The following SNTG1 variants were observed in gnomAD, a reference collection of about 807,000 sequenced individuals.
SNTG1 encodes syntrophin gamma 1.
Under a neutral mutation model 74.7 loss-of-function variants are expected in SNTG1, and 39 were observed. The ratio of observed to expected loss-of-function variants is 0.52; its 90% CI spans 0.40 to 0.68. SNTG1 has a LOEUF of 0.68. Among genes scored for constraint, SNTG1 ranks in the 30% least tolerant of loss-of-function variants. The pLI, the probability that SNTG1 is intolerant of heterozygous loss-of-function variation, is 0.00. For missense variants in SNTG1, 685 were observed against 609.5 expected (o/e 1.12, Z -1.30); for synonymous variants, 254 against 217.1 (o/e 1.17, Z -1.49).
At chr8:50,100,518 C>T (rs1160880028) in intron 1 of SNTG1, among the ~76,000 whole-genome samples, 2 of 151,942 alleles carry the variant, frequency 1.3e-5, no homozygotes, top group Non-Finnish European at 2.9e-5. Flanking sequence ...ATCAAAACAT[C>T]ACTATGTATC....
At chr8:50,559,998 C>T (rs950138242) in intron 12 of SNTG1, among the ~76,000 whole-genome samples, 1 of 151,994 alleles carries the variant, frequency 6.6e-6, no homozygotes, top group Non-Finnish European at 1.5e-5. Flanking sequence ...TAATATCTGG[C>T]GTCTACAAGT....
intron 15 of SNTG1, among the ~76,000 whole-genome samples, chr8:50,669,258 T>A (rs1480063711): frequency 2.7e-5 from 4 of 149,570 alleles, no homozygotes; most frequent in Non-Finnish European, 5.9e-5. Flanking sequence ...CAGGAGATGG[T>A]TTTTTCAAAG....
intron 1 of SNTG1, among the ~76,000 whole-genome samples, chr8:50,099,223 G>C (rs569425601): frequency 4.8e-4 from 73 of 152,152 alleles, no homozygotes; most frequent in African/African-American, 1.7e-3. Flanking sequence ...TAGATTTTCT[G>C]CTGCTGGTCT....
chr8:50,208,047 T>G (rs112805424), intron 2 of SNTG1, among the ~76,000 whole-genome samples: 1 of 152,280 alleles, frequency 6.6e-6, no homozygotes, highest in Admixed American at 6.5e-5. Context: ...ATTCTATTGG[T>G]TTGGGGTGGA....
At chr8:50,434,594 G>C (rs927434211) in intron 4 of SNTG1, among the ~76,000 whole-genome samples, 1 of 152,166 alleles carries the variant, frequency 6.6e-6, no homozygotes, top group African/African-American at 2.4e-5. Flanking sequence ...ACTGGTGTGA[G>C]ATGGTATATC....
intron 13 of SNTG1, among the ~76,000 whole-genome samples, chr8:50,599,277 A>T (rs1247030305): frequency 6.6e-6 from 1 of 152,138 alleles, no homozygotes; most frequent in East Asian, 1.9e-4. Context: ...CTATAGTATA[A>T]TTAGAAATGA....
intron 12 of SNTG1, 84 bp downstream of exon 12, chr8:50,553,263 T>A: frequency 2.7e-6 from 4 of 1,508,562 alleles, no homozygotes; most frequent in Non-Finnish European, 3.6e-6. Context: ...TCACATCAAC[T>A]GTTTGGTGTT....
chr8:50,618,843 G>A (rs956880261), intron 13 of SNTG1, among the ~76,000 whole-genome samples: 3 of 152,028 alleles, frequency 2.0e-5, no homozygotes, highest in Admixed American at 2.0e-4. Context: ...AGGCCAGCAG[G>A]AAATGCATTT....
rs544738477 is a variant in SNTG1, at chr8:50,716,829, T to G, written c.1284+7851T>G. Among the ~76,000 whole-genome samples the G allele has an allele frequency of 2.0e-4, 31 of 151,742 alleles. 1 individual carries two copies. Among genetic ancestry groups the G allele is most frequent in the African/African-American group, 6.8e-4 (28 of 41,392 alleles). ...CTCACTGCAAGCTCCACCTCCCGGG[T>G]TCACGCCATTCTCCTGCCTCAGCCT... is the stretch of plus-strand genomic sequence containing the variant. On this transcript the variant is annotated intron_variant, in intron 17 of 18. Coordinates refer to ENST00000642720, the MANE Select transcript of SNTG1 (RefSeq NM_018967.5).
intron 1 of SNTG1, among the ~76,000 whole-genome samples, chr8:50,097,924 C>T (rs979115104): frequency 1.3e-5 from 2 of 152,116 alleles, no homozygotes; most frequent in Non-Finnish European, 2.9e-5. Context: ...TTATACTTGG[C>T]ATGCTTAGTT....
At chr8:50,139,978 G>T (rs887323566) in intron 1 of SNTG1, among the ~76,000 whole-genome samples, 17 of 152,212 alleles carry the variant, frequency 1.1e-4, no homozygotes, top group African/African-American at 4.1e-4. Context: ...CATGTCACTA[G>T]CGAGCTTTGT....
At chr8:50,460,827 C>T (rs550163811) in intron 8 of SNTG1, among the ~76,000 whole-genome samples, 1 of 152,008 alleles carries the variant, frequency 6.6e-6, no homozygotes, top group Non-Finnish European at 1.5e-5. Context: ...GTTCTGTATT[C>T]TGGTTTTAGA....
At chr8:50,760,020 C>T (rs765353001) in intron 18 of SNTG1, among the ~76,000 whole-genome samples, 28 of 151,810 alleles carry the variant, frequency 1.8e-4, no homozygotes, top group Non-Finnish European at 3.4e-4. Flanking sequence ...CTTATTCCCT[C>T]GAGCAGTGGT....
chr8:50,759,549 C>G (rs897044573), intron 18 of SNTG1, among the ~76,000 whole-genome samples: 1 of 151,988 alleles, frequency 6.6e-6, no homozygotes, highest in East Asian at 1.9e-4. Context: ...TTCCCAGCAC[C>G]ATTTATTAAA....
intron 1 of SNTG1, among the ~76,000 whole-genome samples, chr8:50,021,658 G>A (rs1816826153): frequency 6.6e-6 from 1 of 151,996 alleles, no homozygotes; most frequent in Non-Finnish European, 1.5e-5. Flanking sequence ...CTGTATGTGG[G>A]GCATGGTGCC....
At chr8:50,740,716 A>G (rs1040930060) in intron 17 of SNTG1, among the ~76,000 whole-genome samples, 1 of 152,130 alleles carries the variant, frequency 6.6e-6, no homozygotes, top group Non-Finnish European at 1.5e-5. Flanking sequence ...ACTGTTCACA[A>G]TAACAAAGAC....
At chr8:50,140,284 A>G (rs772037190) in intron 1 of SNTG1, among the ~76,000 whole-genome samples, 17 of 152,166 alleles carry the variant, frequency 1.1e-4, no homozygotes, top group Non-Finnish European at 4.4e-5. Flanking sequence ...ATTGTCACAC[A>G]TGGCATTGCA....
At chr8:50,709,512 T>C (rs1419696509) in intron 17 of SNTG1, among the ~76,000 whole-genome samples, 1 of 152,174 alleles carries the variant, frequency 6.6e-6, no homozygotes, top group Non-Finnish European at 1.5e-5. Flanking sequence ...GAGGTGCTCT[T>C]TTCCCAAAGT....
intron 8 of SNTG1, among the ~76,000 whole-genome samples, chr8:50,498,919 C>T (rs987390756): frequency 1.2e-4 from 18 of 151,598 alleles, no homozygotes; most frequent in African/African-American, 4.1e-4. Flanking sequence ...TATTTCTGGA[C>T]ATATATTATA....
Sources: gnomAD v4.1 joint callset for allele counts (sites outside exome capture counted in the v4.1 genomes callset) on GRCh38, gnomAD v4.1.1 for gene constraint, MANE v1.5 for transcripts, NCBI Gene and HGNC (gene_info 2026-07-23, HGNC 2026-07-21) for gene names.